Variants in MCM2 observed in about 807,000 individuals in gnomAD.
MCM2 encodes DNA replication licensing factor MCM2.
Under a neutral mutation model 86.4 loss-of-function variants are expected in MCM2, and 49 were observed. That is an observed-to-expected ratio of 0.57 (90% CI 0.45 to 0.72). The LOEUF is 0.72. MCM2 is among the 30% of genes least tolerant of loss of function. The pLI, the probability that MCM2 is intolerant of heterozygous loss-of-function variation, is 0.00. For synonymous variants in MCM2, 475 were observed against 484.6 expected (o/e 0.98, Z 0.26); for missense variants, 1,038 against 1,259.9 (o/e 0.82, Z 2.67).
chr3:127,599,206 G>T, intron 1 of MCM2, 112 bp from the exon 2 acceptor site: 1 of 860,318 alleles, frequency 1.2e-6, no homozygotes, highest in East Asian at 2.4e-5. Flanking sequence ...TGTGTTGGAG[G>T]ACAAGAGTCA....
chr3:127,608,538 G>A lies in MCM2; in HGVS notation c.1236+22G>A, dbSNP rs3087451. 9.9e-5 allele frequency: 159 copies of A among 1,613,320 alleles called. 1 individual carries two copies. In the African/African-American group the frequency reaches 1.9e-3, roughly 19 times the overall value. On this transcript the variant is annotated intron_variant, in intron 7 of 15. Coordinates refer to ENST00000265056, the MANE Select transcript of MCM2 (RefSeq NM_004526.4). The stretch of plus-strand genomic sequence containing the variant: ...GATAGTAAGTGGCCGGGGCAGGCTG[G>A]GAGGGAGCCAAGTTGCAGAGGGAAC...
chr3:127,603,566 G>A (rs556617513), intron 2 of MCM2, among the ~76,000 whole-genome samples: 2 of 152,296 alleles, frequency 1.3e-5, no homozygotes, highest in East Asian at 3.9e-4. Flanking sequence ...GCTCACTGCA[G>A]CCTTGAACTC....
chr3:127,604,218 A>T (rs932219471), intron 2 of MCM2: 2 of 185,316 alleles, frequency 1.1e-5, no homozygotes, highest in African/African-American at 4.7e-5. Flanking sequence ...TTAAACACTA[A>T]CTCCCCATTC....
intron 6 of MCM2, among the ~76,000 whole-genome samples, chr3:127,608,141 C>CT: frequency 6.6e-6 from 1 of 152,190 alleles, no homozygotes; most frequent in Admixed American, 6.5e-5. Context: ...GACAGCTTAG[C>CT]TGTAAAGCAT....
chr3:127,604,654 C>T lies in MCM2; in HGVS notation c.283C>T (p.Leu95=). Residue 95 remains leucine, a synonymous_variant, in exon 3 of 16, where the codon CTG becomes TTG. Transcript: ENST00000265056. ...GCTGGACGCCTATGAGGCCGAGGGACTGGCTCTGGATGATGAGGACGTAGA... is the reference window on the plus strand; with the variant it reads ...GCTGGACGCCTATGAGGCCGAGGGATTGGCTCTGGATGATGAGGACGTAGA... The part of the protein sequence containing the change: ...PELDAYEAEG[L]ALDDEDVEEL... The T allele has an allele frequency of 1.2e-6, 2 of 1,613,248 alleles. No homozygotes were observed. Among genetic ancestry groups the T allele is most frequent in the Non-Finnish European group, 1.7e-6 (2 of 1,180,030 alleles).
At chr3:127,611,890 G>A (rs1265107670) in intron 8 of MCM2, among the ~76,000 whole-genome samples, 2 of 145,462 alleles carry the variant, frequency 1.4e-5, no homozygotes, top group East Asian at 1.9e-4. Flanking sequence ...TAGTAGAGAC[G>A]GGGTTTCACC....
intron 6 of MCM2, among the ~76,000 whole-genome samples, chr3:127,608,123 G>A (rs969559026): frequency 6.6e-6 from 1 of 152,182 alleles, no homozygotes; most frequent in Non-Finnish European, 1.5e-5. Context: ...TCCAGCATCG[G>A]TACTCAAGAC....
chr3:127,615,113 C>T (rs985435983), intron 8 of MCM2, among the ~76,000 whole-genome samples: 1 of 152,150 alleles, frequency 6.6e-6, no homozygotes, highest in Non-Finnish European at 1.5e-5. Context: ...TCTCCCCAGG[C>T]GAGGGCCAGT....
Position 127,608,374 on chromosome 3 carries a change from C to T in MCM2, c.1102-8C>T. 6.2e-7 allele frequency: 1 copy of T among 1,613,858 alleles called. No homozygotes were observed. The highest frequency in any genetic ancestry group is 8.5e-7 in the Non-Finnish European group (1 of 1,179,794). On this transcript the variant is annotated splice_region_variant and splice_polypyrimidine_tract_variant and intron_variant, in intron 6 of 15. Coordinates refer to ENST00000265056, the MANE Select transcript of MCM2 (RefSeq NM_004526.4). ...AGTGATTTGAGGCCTTCTGTGTGTC[C>T]CTCGCAGACCATCTATCAGAACTAC...
At position 127,617,158 on chromosome 3, in the gene MCM2, G is replaced by A. The variant is rs751942078; in HGVS notation, c.1773+40G>A. 1.2e-5 allele frequency: 19 copies of A among 1,607,532 alleles called. No homozygotes were observed. In the African/African-American group the frequency reaches 2.0e-4, roughly 17 times the overall value. Reference sequence around the variant, plus strand: ...CACGGAGGCTGGTGGAACTCAGGGGGTGTGTGTGGGCTTGGGCCTTAGCGA... The same window carrying A: ...CACGGAGGCTGGTGGAACTCAGGGGATGTGTGTGGGCTTGGGCCTTAGCGA... On this transcript the variant is annotated intron_variant, in intron 10 of 15. Coordinates refer to ENST00000265056, the MANE Select transcript of MCM2 (RefSeq NM_004526.4). The surrounding 1 kb of genome is among the most constrained non-coding windows in gnomAD (Gnocchi z 4.1).
Position 127,606,529 on chromosome 3 carries a change from G to T in MCM2, c.894-81G>T. 7.1e-7 allele frequency: 1 copy of T among 1,400,792 alleles called. No individual in the cohort carries two copies. 86.8% of individuals were successfully genotyped at this position (1,400,792 alleles called of 1,614,324 possible). On this transcript the variant is annotated intron_variant, in intron 5 of 15. Transcript: ENST00000265056. This position sits in a 1 kb window ranked among gnomAD's most constrained non-coding sequence, Gnocchi z 4.2. ...GGCTGGGGGCTGGGCCCAATTTCCA[G>T]GACAGTGTGTTGGGACACTCTCGTC...
In MCM2 at chr3:127,606,446, C is replaced by A; in HGVS notation, c.893+109C>A. ...TGGGCGGGGAGGGTGCAGCCAGCAG[C>A]ATCCTCATCGCAGGTGAGTTGTGGT... On this transcript the variant is annotated intron_variant, in intron 5 of 15. Coordinates refer to ENST00000265056, the MANE Select transcript of MCM2 (RefSeq NM_004526.4). This position sits in a 1 kb window ranked among gnomAD's most constrained non-coding sequence, Gnocchi z 4.2. The A allele has an allele frequency of 8.1e-7, 1 of 1,235,124 alleles. No individual in the cohort carries two copies. The highest frequency in any genetic ancestry group is 1.1e-6 in the Non-Finnish European group (1 of 869,646). The allele number at this position is 1,235,124 out of a possible 1,614,324, so 76.5% of individuals were successfully genotyped here. A position where few individuals can be genotyped will look rare whatever the true frequency, so the allele number is the denominator to read the frequency against.
rs1326816597 is a variant in MCM2, at chr3:127,599,316, AGGAATCATC to A, written c.12_20del (p.Ser5_Ser7del). On this transcript the variant is annotated splice_acceptor_variant and coding_sequence_variant, in exon 2 of 16. Transcript: ENST00000265056. LOFTEE classifies it high-confidence loss of function. ...TTCTGACAACCGCACCTTCTCTTGC[AGGAATCATC>A]GGAATCCTTCACCATGGCATCCAGC... The A allele has an allele frequency of 6.2e-7, 1 of 1,613,862 alleles. No individual in the cohort carries two copies. Among genetic ancestry groups the A allele is most frequent in the South Asian group, 1.1e-5 (1 of 91,074 alleles).
chr3:127,620,754 G>T lies in MCM2; in HGVS notation c.2322G>T (p.Ala774=). 1.9e-6 allele frequency: 3 copies of T among 1,613,504 alleles called. No homozygotes were observed. Among genetic ancestry groups the T allele is most frequent in the Non-Finnish European group, 1.7e-6 (2 of 1,179,522 alleles). Residue 774 remains alanine (A), a synonymous_variant, in exon 14 of 16, where the codon GCG becomes GCT. Coordinates refer to ENST00000265056, the MANE Select transcript of MCM2 (RefSeq NM_004526.4). ...VRHIESMIRM[A]EAHARIHLRD... ...ACATCGAGTCCATGATCCGCATGGC[G>T]GAGGCCCACGCGCGCATCCATCTGC...
At chr3:127,619,594 G>A (rs1237585769) in intron 13 of MCM2, among the ~76,000 whole-genome samples, 1 of 152,140 alleles carries the variant, frequency 6.6e-6, no homozygotes. Context: ...CAGGAGAATC[G>A]CTTGAACCCG....
intron 4 of MCM2, among the ~76,000 whole-genome samples, chr3:127,605,845 T>C (rs1018681871): frequency 5.3e-5 from 8 of 152,210 alleles, no homozygotes; most frequent in Non-Finnish European, 1.0e-4. Context: ...GTAAGGCGTT[T>C]CATGTTTGTA....
Position 127,615,293 on chromosome 3 carries a change from A to G in MCM2, c.1429-569A>G, listed in dbSNP as rs17497104. 7.2e-5 allele frequency among the ~76,000 whole-genome samples: 11 copies of G among 152,316 alleles called. No homozygotes were observed. In the South Asian group the frequency reaches 2.3e-3, roughly 32 times the overall value. On this transcript the variant is annotated intron_variant, in intron 8 of 15. Transcript: ENST00000265056. ...TTTGATGTCTCTAATTCTATCTAAA[A>G]TTCATGAAGATTTTGCTCTCTCCCT...
At chr3:127,611,920 C>T (rs1222308454) in intron 8 of MCM2, among the ~76,000 whole-genome samples, 1 of 144,286 alleles carries the variant, frequency 6.9e-6, no homozygotes, top group Non-Finnish European at 1.5e-5. Flanking sequence ...GGGATGGTCT[C>T]GATCTCCTGA....
At chr3:127,611,291 G>A (rs889207087) in intron 8 of MCM2, among the ~76,000 whole-genome samples, 1 of 152,216 alleles carries the variant, frequency 6.6e-6, no homozygotes, top group Non-Finnish European at 1.5e-5. Flanking sequence ...TGTCCCACAT[G>A]ATTATCTGTG....
Sources: allele counts gnomAD v4.1 joint callset (sites outside exome capture counted in the v4.1 genomes callset), GRCh38; gene constraint gnomAD v4.1.1; non-coding constraint Gnocchi (gnomAD v3.1); transcripts MANE v1.5; gene names NCBI Gene and HGNC (gene_info 2026-07-23, HGNC 2026-07-21).